MYT1L: variants seen among roughly 807,000 people sequenced by gnomAD.
MYT1L encodes myelin transcription factor 1 like.
Under a neutral mutation model 126.7 loss-of-function variants are expected in MYT1L, and 12 were observed. That is an observed-to-expected ratio of 0.09 (90% CI 0.06 to 0.15). The LOEUF is 0.15. Ranked by LOEUF, MYT1L falls within the 10% of genes least tolerant of loss-of-function variation. MYT1L has a pLI of 1.00. For synonymous variants in MYT1L, 541 were observed against 604.2 expected (o/e 0.90, Z 1.53); for missense variants, 979 against 1,585.2 (o/e 0.62, Z 6.49).
intron 1 of MYT1L, among the ~76,000 whole-genome samples, chr2:2,322,241 C>T (rs2096180160): frequency 6.6e-6 from 1 of 151,690 alleles, no homozygotes; most frequent in Non-Finnish European, 1.5e-5. Context: ...AGCAGGCCCA[C>T]TGAGACAGCA....
intron 17 of MYT1L, among the ~76,000 whole-genome samples, chr2:1,886,809 TTAAAAA>T (rs1247419708): frequency 6.6e-6 from 1 of 152,182 alleles, no homozygotes; most frequent in East Asian, 1.9e-4. Context: ...AAGCAATTGT[TTAAAAA>T]TAAGATAAAA....
chr2:1,971,613 C>T (rs542738010), intron 8 of MYT1L, among the ~76,000 whole-genome samples: 115 of 152,286 alleles, frequency 7.6e-4, no homozygotes, highest in African/African-American at 2.5e-3. Context: ...CACCTGTAGT[C>T]CCAGCTACTC....
chr2:2,295,775 GAGAT>G lies in MYT1L; in HGVS notation c.-520-11276_-520-11273del, dbSNP rs1367506846. 7.7e-3 allele frequency among the ~76,000 whole-genome samples: 1,056 copies of G among 137,548 alleles called. 43 individuals are homozygous for G. Among genetic ancestry groups the G allele is most frequent in the African/African-American group, 0.028 (968 of 35,186 alleles). 90.2% of individuals were successfully genotyped at this position (137,548 alleles called of 152,430 possible). On this transcript the variant is annotated intron_variant, in intron 1 of 24. Transcript: ENST00000647738. ...AGAGACAGACAGACAGACAGAGAGAGAGATAGAGAGACAGACAGAGAGAGAGAGA... is the reference window on the plus strand; with the variant it reads ...AGAGACAGACAGACAGACAGAGAGAGAGAGAGACAGACAGAGAGAGAGAGA...
At chr2:1,991,365 T>C (rs768720022) in intron 5 of MYT1L, among the ~76,000 whole-genome samples, 1 of 152,116 alleles carries the variant, frequency 6.6e-6, no homozygotes, top group African/African-American at 2.4e-5. Flanking sequence ...GACACGATCA[T>C]GGCTCGCCGC....
chr2:2,076,260 G>A (rs1182749996), intron 3 of MYT1L, among the ~76,000 whole-genome samples: 1 of 152,144 alleles, frequency 6.6e-6, no homozygotes, highest in South Asian at 2.1e-4. Context: ...GGAAAGACAG[G>A]AAAAGAAAGG....
chr2:1,865,195 G>A (rs1369016224), intron 18 of MYT1L, among the ~76,000 whole-genome samples: 2 of 152,200 alleles, frequency 1.3e-5, no homozygotes, highest in Admixed American at 6.5e-5. Context: ...CTCAGCGCCT[G>A]CTTTGGGGAA....
intron 21 of MYT1L, among the ~76,000 whole-genome samples, chr2:1,820,082 G>C: frequency 6.6e-6 from 1 of 152,062 alleles, no homozygotes; most frequent in East Asian, 1.9e-4. Context: ...GAGGAATGAG[G>C]GAGTACAGCC....
chr2:2,236,156 T>TACATCCCAA (rs2094295832), intron 2 of MYT1L, among the ~76,000 whole-genome samples: 4 of 43,684 alleles, frequency 9.2e-5, no homozygotes, highest in Non-Finnish European at 1.4e-4. Context: ...GTACATCCCA[T>TACATCCCAA]CCTAACCCAG....
intron 1 of MYT1L, among the ~76,000 whole-genome samples, chr2:2,309,544 C>T (rs1038803927): frequency 1.3e-5 from 2 of 151,498 alleles, no homozygotes; most frequent in African/African-American, 4.9e-5. Context: ...TCATTATACT[C>T]TACCTATACT....
At chr2:2,175,651 G>A (rs745321432) in intron 2 of MYT1L, among the ~76,000 whole-genome samples, 3 of 150,670 alleles carry the variant, frequency 2.0e-5, no homozygotes, top group Non-Finnish European at 4.4e-5. Flanking sequence ...TGCAAGGCAA[G>A]GATGCCCGAG....
chr2:2,097,543 A>G (rs1352466498), intron 3 of MYT1L, among the ~76,000 whole-genome samples: 1 of 152,212 alleles, frequency 6.6e-6, no homozygotes, highest in Non-Finnish European at 1.5e-5. Context: ...CGGTTATTGT[A>G]CAGAGCTGTG....
At chr2:1,985,404 A>G (rs1339598249) in intron 5 of MYT1L, among the ~76,000 whole-genome samples, 1 of 152,164 alleles carries the variant, frequency 6.6e-6, no homozygotes, top group African/African-American at 2.4e-5. Context: ...TCCCAACAGC[A>G]CTTCTTCCTA....
chr2:1,812,043 T>C (rs2036744252), intron 21 of MYT1L, among the ~76,000 whole-genome samples: 1 of 152,358 alleles, frequency 6.6e-6, no homozygotes, highest in Non-Finnish European at 1.5e-5. Context: ...TTAACGCCAC[T>C]TTTCCCCTTC....
intron 2 of MYT1L, among the ~76,000 whole-genome samples, chr2:2,208,588 C>G (rs552392405): frequency 3.3e-5 from 5 of 152,250 alleles, no homozygotes; most frequent in African/African-American, 1.2e-4. Flanking sequence ...TCATACACAA[C>G]AATAACAATT....
chr2:1,921,036 AT>A (rs1458807276), intron 10 of MYT1L, among the ~76,000 whole-genome samples: 3 of 152,212 alleles, frequency 2.0e-5, no homozygotes, highest in Non-Finnish European at 4.4e-5. Flanking sequence ...AGGTGCACAC[AT>A]TGAGAGGAGA....
chr2:2,220,318 G>C (rs77041749), intron 2 of MYT1L, among the ~76,000 whole-genome samples: 7,152 of 152,238 alleles, frequency 0.047, 336 homozygotes, highest in Admixed American at 0.18. Flanking sequence ...ACAACTCCAA[G>C]GGGGTTTGGT....
At chr2:1,994,646 G>T (rs2061691074) in intron 5 of MYT1L, among the ~76,000 whole-genome samples, 1 of 152,156 alleles carries the variant, frequency 6.6e-6, no homozygotes, top group Non-Finnish European at 1.5e-5. Context: ...ACAAGTAATA[G>T]ACAGTGTTCT....
intron 2 of MYT1L, among the ~76,000 whole-genome samples, chr2:2,263,895 T>A (rs2095055673): frequency 6.6e-6 from 1 of 152,184 alleles, no homozygotes; most frequent in African/African-American, 2.4e-5. Context: ...GTTTCTCACT[T>A]TAAAAAATTG....
chr2:1,930,795 G>A (rs1227643270), intron 9 of MYT1L, among the ~76,000 whole-genome samples: 2 of 152,134 alleles, frequency 1.3e-5, no homozygotes, highest in South Asian at 2.1e-4. Context: ...TTTTAGGTTC[G>A]GGGGTCCATG....
Sources: gnomAD v4.1 joint callset for allele counts (sites outside exome capture counted in the v4.1 genomes callset) on GRCh38, gnomAD v4.1.1 for gene constraint, MANE v1.5 for transcripts, NCBI Gene and HGNC (gene_info 2026-07-23, HGNC 2026-07-21) for gene names.